The following CNTN4 variants were observed in gnomAD, a reference collection of about 807,000 sequenced individuals.
The protein encoded by CNTN4 is contactin-4.
CNTN4 carries 77 observed loss-of-function variants against 122.5 expected under a neutral mutation model. The ratio of observed to expected loss-of-function variants is 0.63; its 90% CI spans 0.52 to 0.76. The LOEUF is 0.76. Ranked by LOEUF, CNTN4 falls within the 30% of genes least tolerant of loss-of-function variation. The pLI is 0.00. For synonymous variants in CNTN4, 512 were observed against 447.0 expected, an observed-to-expected ratio of 1.15 and a Z score of -1.83; for missense variants, 1,256 against 1,259.1, an observed-to-expected ratio of 1.00 and a Z score of 0.04.
At chr3:2,470,797 C>T (rs1398859633) in intron 3 of CNTN4, among the ~76,000 whole-genome samples, 1 of 152,214 alleles carries the variant, frequency 6.6e-6, no homozygotes, top group East Asian at 1.9e-4. Context: ...CCTGTTTGCA[C>T]AGCCTCTGAA....
intron 6 of CNTN4, among the ~76,000 whole-genome samples, chr3:2,767,034 G>GA (rs981357870): frequency 6.6e-6 from 1 of 152,068 alleles, no homozygotes; most frequent in Non-Finnish European, 1.5e-5. Flanking sequence ...TGCAATACTA[G>GA]AAAAAATGGT....
Position 2,222,337 on chromosome 3 carries a change from T to C in CNTN4, c.-144-116841T>C, listed in dbSNP as rs189371504. 1.5e-4 allele frequency among the ~76,000 whole-genome samples: 23 copies of C among 152,196 alleles called. No individual in the cohort carries two copies. In the East Asian group the frequency reaches 4.3e-3, roughly 28 times the overall value. ...ATACTGTTTATATGACATGTCCACA[T>C]TAGGCAAATCCATAGAGACAGAAAC... On this transcript the variant is annotated intron_variant, in intron 2 of 24. Coordinates refer to ENST00000418658, the MANE Select transcript of CNTN4 (RefSeq NM_175607.3).
intron 3 of CNTN4, among the ~76,000 whole-genome samples, chr3:2,425,108 C>A (rs181905682): frequency 6.6e-6 from 1 of 152,192 alleles, no homozygotes; most frequent in Admixed American, 6.5e-5. Context: ...GCTTTTGTTG[C>A]CATTTCTTTT....
intron 3 of CNTN4, among the ~76,000 whole-genome samples, chr3:2,570,346 A>T (rs1444843984): frequency 1.3e-5 from 2 of 151,634 alleles, no homozygotes; most frequent in Non-Finnish European, 2.9e-5. Flanking sequence ...GCTGATTTTT[A>T]AAAATTTTCC....
chr3:2,288,103 G>A (rs542365295), intron 2 of CNTN4, among the ~76,000 whole-genome samples: 21 of 152,270 alleles, frequency 1.4e-4, no homozygotes, highest in African/African-American at 5.1e-4. Flanking sequence ...ATAGATATTA[G>A]TTGAAATAAT....
At chr3:3,006,052 AT>A (rs1198664983) in intron 14 of CNTN4, among the ~76,000 whole-genome samples, 1 of 150,090 alleles carries the variant, frequency 6.7e-6, no homozygotes, top group Non-Finnish European at 1.5e-5. Context: ...CGCTCGGCTA[AT>A]TTTTTTTTGC....
chr3:2,431,139 G>T (rs2048054105), intron 3 of CNTN4, among the ~76,000 whole-genome samples: 1 of 152,070 alleles, frequency 6.6e-6, no homozygotes, highest in South Asian at 2.1e-4. Flanking sequence ...TTTGTAATAT[G>T]AAAAAATCAT....
intron 2 of CNTN4, among the ~76,000 whole-genome samples, chr3:2,101,900 T>A (rs1187067346): frequency 6.6e-6 from 1 of 152,226 alleles, no homozygotes; most frequent in Non-Finnish European, 1.5e-5. Context: ...TTGATATTTT[T>A]AAAATCTTTC....
intron 4 of CNTN4, among the ~76,000 whole-genome samples, chr3:2,588,878 G>C (rs1452146495): frequency 6.6e-6 from 1 of 150,594 alleles, no homozygotes; most frequent in Non-Finnish European, 1.5e-5. Flanking sequence ...ATATTTTTGT[G>C]TGTGATCAGT....
chr3:2,561,684 G>C (rs909624855), intron 3 of CNTN4, among the ~76,000 whole-genome samples: 2 of 152,100 alleles, frequency 1.3e-5, no homozygotes, highest in Non-Finnish European at 2.9e-5. Flanking sequence ...GTCACTTTAT[G>C]AAAGAGGAAA....
intron 5 of CNTN4, among the ~76,000 whole-genome samples, chr3:2,738,899 A>T (rs573682635): frequency 6.6e-6 from 1 of 152,268 alleles, no homozygotes; most frequent in Non-Finnish European, 1.5e-5. Context: ...GAAAATATTT[A>T]ACTGTATTAA....
At chr3:2,348,403 C>T (rs140561897) in intron 3 of CNTN4, among the ~76,000 whole-genome samples, 1 of 152,062 alleles carries the variant, frequency 6.6e-6, no homozygotes. Context: ...GATATATCTC[C>T]CTGTGCTTGG....
At chr3:2,353,592 G>A (rs769413074) in intron 3 of CNTN4, among the ~76,000 whole-genome samples, 1 of 152,014 alleles carries the variant, frequency 6.6e-6, no homozygotes, top group African/African-American at 2.4e-5. Flanking sequence ...GGAGGAATGA[G>A]CAACTCTGGA....
intron 3 of CNTN4, among the ~76,000 whole-genome samples, chr3:2,346,966 G>A (rs2044419428): frequency 1.3e-5 from 2 of 151,146 alleles, no homozygotes; most frequent in South Asian, 4.2e-4. Flanking sequence ...AAACATATTT[G>A]GACCATTTAT....
chr3:2,938,476 C>T (rs542250524), intron 13 of CNTN4, among the ~76,000 whole-genome samples: 128 of 152,262 alleles, frequency 8.4e-4, no homozygotes, highest in Non-Finnish European at 1.5e-3. Flanking sequence ...ATTTACCTTA[C>T]TTAAGGTTGC....
At chr3:2,677,273 A>G (rs2084910108) in intron 4 of CNTN4, among the ~76,000 whole-genome samples, 1 of 151,112 alleles carries the variant, frequency 6.6e-6, no homozygotes, top group Non-Finnish European at 1.5e-5. Flanking sequence ...GTATATAGAT[A>G]TAGATCCTGA....
At chr3:2,967,343 A>G (rs1577435869) in intron 13 of CNTN4, among the ~76,000 whole-genome samples, 4 of 152,300 alleles carry the variant, frequency 2.6e-5, no homozygotes, top group Middle Eastern at 3.4e-3. Context: ...AGATTTTACA[A>G]TAGTGATATT....
chr3:2,962,028 T>C (rs2094865846), intron 13 of CNTN4, among the ~76,000 whole-genome samples: 1 of 152,194 alleles, frequency 6.6e-6, no homozygotes, highest in Non-Finnish European at 1.5e-5. Flanking sequence ...ACAATTACAT[T>C]TGAAATTTTA....
At chr3:2,164,098 C>A (rs995839341) in intron 2 of CNTN4, among the ~76,000 whole-genome samples, 13 of 151,616 alleles carry the variant, frequency 8.6e-5, no homozygotes, top group South Asian at 4.1e-4. Context: ...GATGAGTGCA[C>A]CAAAATCCCA....
Sources: gnomAD v4.1 joint callset for allele counts (sites outside exome capture counted in the v4.1 genomes callset) on GRCh38, gnomAD v4.1.1 for gene constraint, MANE v1.5 for transcripts, NCBI Gene and HGNC (gene_info 2026-07-23, HGNC 2026-07-21) for gene names.